The following TRPM5 variants were observed in gnomAD, a reference collection of about 807,000 sequenced individuals.
TRPM5 encodes the protein MLSN1 and TRP-related.
Under a neutral mutation model 124.9 loss-of-function variants are expected in TRPM5, and 121 were observed. The observed-to-expected ratio is 0.97, with a 90% CI of 0.84 to 1.13. TRPM5 has a LOEUF of 1.13. Among genes scored for constraint, TRPM5 ranks in the 50% most tolerant of loss-of-function variants. The pLI is 0.00. For synonymous variants in TRPM5, 781 were observed against 700.5 expected, an observed-to-expected ratio of 1.11 and a Z score of -1.81; for missense variants, 1,643 against 1,589.1, an observed-to-expected ratio of 1.03 and a Z score of -0.58.
the TRPM5 span, among the ~76,000 whole-genome samples, chr11:2,434,811 A>C: frequency 6.6e-6 from 1 of 152,024 alleles, no homozygotes. Flanking sequence ...GGCCAGGAGG[A>C]CCACAGCCTG....
chr11:2,414,480 G>A (rs528314654), intron 11 of TRPM5, among the ~76,000 whole-genome samples: 7 of 152,304 alleles, frequency 4.6e-5, no homozygotes, highest in African/African-American at 1.4e-4. Flanking sequence ...GTGTATGCCC[G>A]GGGTGTGAGG....
chr11:2,414,939 G>T, exon 10 of TRPM5: 1 of 1,606,016 alleles, frequency 6.2e-7, no homozygotes, highest in Non-Finnish European at 8.5e-7. Context: ...ATCTCGTGGC[G>T]GTTCTGCAGC....
the TRPM5 span, among the ~76,000 whole-genome samples, chr11:2,443,751 A>C: frequency 6.6e-6 from 1 of 151,614 alleles, no homozygotes; most frequent in Non-Finnish European, 1.5e-5. This position sits in a 1 kb window ranked among gnomAD's most constrained non-coding sequence, Gnocchi z 5.0. Context: ...GCTGAGCTCC[A>C]CCTTTAGTCC....
chr11:2,417,311 C>T (rs1400893894), intron 7 of TRPM5, among the ~76,000 whole-genome samples: 4 of 152,232 alleles, frequency 2.6e-5, no homozygotes, highest in African/African-American at 4.8e-5. Context: ...CAAAATTAGC[C>T]GGGCATGGTG....
At chr11:2,414,009 G>GGGGCGGCCCCCCCCCCC in intron 12 of TRPM5, 52 bp downstream of exon 17, 2 of 1,023,734 alleles carry the variant, frequency 2.0e-6, no homozygotes, top group Non-Finnish European at 1.4e-6. Context: ...GGCCCAGCTC[G>GGGGCGGCCCCCCCCCCC]CCCGCCCACC....
At chr11:2,415,158 A>G in exon 9 of TRPM5, 1 of 1,579,712 alleles carries the variant, frequency 6.3e-7, no homozygotes, top group Non-Finnish European at 8.6e-7. Context: ...GTCCTGGTAG[A>G]AGCCTCGGCA....
At chr11:2,405,144 C>G in intron 23 of TRPM5, 101 bp from the exon 29 acceptor site, 1 of 977,038 alleles carries the variant, frequency 1.0e-6, no homozygotes, top group Non-Finnish European at 1.5e-6. Context: ...GACGCCGTGG[C>G]TCTCAGAGTG....
exon 19 of TRPM5, chr11:2,407,806 C>T (rs1206101546): frequency 3.7e-6 from 6 of 1,613,802 alleles, no homozygotes; most frequent in Non-Finnish European, 5.1e-6. Context: ...TGGTGACCAA[C>T]AGGAAGGTGA....
At chr11:2,438,127 TCCAAA>T in the TRPM5 span, among the ~76,000 whole-genome samples, 1 of 151,732 alleles carries the variant, frequency 6.6e-6, no homozygotes, top group South Asian at 2.1e-4. The surrounding 1 kb of genome is among the most constrained non-coding windows in gnomAD (Gnocchi z 5.9). Flanking sequence ...TTTGAAAAAA[TCCAAA>T]CATCCCTTCA....
intron 21 of TRPM5, 130 bp downstream of exon 26, chr11:2,406,531 C>T (rs922361933): frequency 1.2e-5 from 15 of 1,283,392 alleles, no homozygotes; most frequent in Admixed American, 2.3e-5. Flanking sequence ...CCCCTGGGCT[C>T]GGCCAGAGCC....
At chr11:2,412,104 T>A in intron 16 of TRPM5, 31 bp downstream of exon 21, 3 of 1,573,014 alleles carry the variant, frequency 1.9e-6, no homozygotes, top group Non-Finnish European at 2.6e-6. Flanking sequence ...CAAGCCGCCC[T>A]GAGGCCACAC....
At chr11:2,420,403 C>A in exon 4 of TRPM5, 1 of 1,605,242 alleles carries the variant, frequency 6.2e-7, no homozygotes, top group Non-Finnish European at 8.5e-7. Flanking sequence ...CAGGAAAATC[C>A]TCCTGCGCCC....
Position 2,414,845 on chromosome 11 carries a change from G to C in TRPM5, c.1621-7C>G, listed in dbSNP as rs1402244562. 6.3e-7 allele frequency: 1 copy of C among 1,591,812 alleles called. No individual in the cohort carries two copies. The highest frequency in any genetic ancestry group is 1.7e-5 in the Admixed American group (1 of 57,282). ...CTGCCACACCTTCCTGGCCCTACGAGACCTGGTCTCAGGAGGCCGCCCCTC... is the reference window on the plus strand; with the variant it reads ...CTGCCACACCTTCCTGGCCCTACGACACCTGGTCTCAGGAGGCCGCCCCTC... On this transcript the variant is annotated splice_polypyrimidine_tract_variant and splice_region_variant and intron_variant, in intron 10 of 23. Coordinates refer to ENST00000155858, the Ensembl canonical transcript of TRPM5.
chr11:2,410,657 C>A (rs774289293), intron 18 of TRPM5: 2 of 452,630 alleles, frequency 4.4e-6, no homozygotes, highest in South Asian at 3.1e-5. Flanking sequence ...GCGGCTCTGA[C>A]CCCCGCCCCC....
chr11:2,423,425 A>T (rs1845799407), upstream of TRPM5, among the ~76,000 whole-genome samples: 1 of 152,164 alleles, frequency 6.6e-6, no homozygotes. Flanking sequence ...AAACTCCGAA[A>T]GACTCAGCAG....
the TRPM5 span, among the ~76,000 whole-genome samples, chr11:2,431,213 G>T: frequency 6.6e-6 from 1 of 152,026 alleles, no homozygotes; most frequent in African/African-American, 2.4e-5. Flanking sequence ...ACTTGGCTCT[G>T]AGCAAATGGG....
At chr11:2,415,538 C>G in intron 8 of TRPM5, 67 bp from the exon 14 acceptor site, 1 of 1,134,462 alleles carries the variant, frequency 8.8e-7, no homozygotes. Flanking sequence ...AGGAGGGGGT[C>G]CAAGGAAGGA....
Position 2,421,162 on chromosome 11 carries a change from A to G in TRPM5, c.335T>C (p.Leu112Pro), listed in dbSNP as rs1845767443. The G allele has an allele frequency of 1.9e-6, 3 of 1,541,740 alleles. No individual in the cohort carries two copies. The South Asian group carries it at 3.6e-5, about 18-fold the overall frequency. Residue 112 changes from leucine to proline, a missense_variant, in exon 3 of 24, where the codon CTG (leucine) becomes CCG (proline). By Grantham distance (98) the Leu-to-Pro change is moderately conservative. Coordinates refer to ENST00000155858, the Ensembl canonical transcript of TRPM5. ...CACGGCCTGCCCGACATGCCTGGCC[A>G]GGCCCACGCGGAGGGCACTGGTCAG...
chr11:2,412,387 G>A (rs1472947549), intron 15 of TRPM5, 134 bp from the exon 21 acceptor site: 4 of 719,988 alleles, frequency 5.6e-6, no homozygotes, highest in Non-Finnish European at 9.6e-6. Flanking sequence ...AGTGGGACTA[G>A]GGGTCCACTG....
Sources: allele counts gnomAD v4.1 joint callset (sites outside exome capture counted in the v4.1 genomes callset), GRCh38; gene constraint gnomAD v4.1.1; non-coding constraint Gnocchi (gnomAD v3.1); transcripts MANE v1.5; gene names NCBI Gene and HGNC (gene_info 2026-07-23, HGNC 2026-07-21).